GABRG2: variants seen among roughly 807,000 people sequenced by gnomAD.
GABRG2 encodes the protein gamma-aminobutyric acid type A receptor subunit gamma2.
In GABRG2, 16 loss-of-function variants were observed where a neutral mutation model predicts 56.4. That is an observed-to-expected ratio of 0.28 (90% CI 0.19 to 0.43). GABRG2 has a LOEUF of 0.43. GABRG2 is among the 20% of genes least tolerant of loss of function. The pLI is 1.00. For missense variants in GABRG2, 327 were observed against 582.7 expected, an observed-to-expected ratio of 0.56 and a Z score of 4.52; for synonymous variants, 208 against 205.5, an observed-to-expected ratio of 1.01 and a Z score of -0.10.
At chr5:162,146,619 A>G (rs1308954025) in intron 7 of GABRG2, among the ~76,000 whole-genome samples, 3 of 151,252 alleles carry the variant, frequency 2.0e-5, no homozygotes, top group Non-Finnish European at 4.4e-5. Flanking sequence ...CATTGAACAA[A>G]CATTTATTGA....
At chr5:162,122,284 C>G (rs1392884922) in intron 6 of GABRG2, among the ~76,000 whole-genome samples, 13 of 151,824 alleles carry the variant, frequency 8.6e-5, no homozygotes, top group Admixed American at 3.9e-4. Context: ...TTCATAGAAC[C>G]TATATCCTAA....
intron 7 of GABRG2, chr5:162,142,693 G>C (rs1764666699): frequency 3.0e-6 from 1 of 337,822 alleles, no homozygotes; most frequent in African/African-American, 2.2e-5. Context: ...GGTGGGAATT[G>C]AACAATGAGA....
intron 4 of GABRG2, chr5:162,100,497 C>T (rs1412062095): frequency 6.6e-6 from 1 of 152,108 alleles, no homozygotes; most frequent in Admixed American, 6.5e-5. Context: ...CAAATCTTCT[C>T]CCTCCTGGAG....
At chr5:162,088,139 C>T (rs1760275273) in intron 1 of GABRG2, among the ~76,000 whole-genome samples, 1 of 152,062 alleles carries the variant, frequency 6.6e-6, no homozygotes, top group African/African-American at 2.4e-5. Context: ...ATTGAAGGAC[C>T]TATATGAAGG....
chr5:162,102,529 T>G lies in GABRG2; in HGVS notation c.631+1212T>G, dbSNP rs1385375788. On this transcript the variant is annotated intron_variant, in intron 5 of 9. Coordinates refer to ENST00000639213, the MANE Select transcript of GABRG2 (RefSeq NM_198904.4). ...ATCATTTTTGTTGTTGTTGTTGTTG[T>G]TTTGTTTTGTTTTGTTTTGGACAGG... 5 of 452,978 alleles carry G rather than the reference T, an allele frequency of 1.1e-5. No homozygotes were observed. In the East Asian group the frequency reaches 2.8e-4, roughly 25 times the overall value. 28.1% of individuals were successfully genotyped at this position (452,978 alleles called of 1,614,324 possible).
chr5:162,082,232 A>T (rs2113206499), intron 1 of GABRG2, among the ~76,000 whole-genome samples: 1 of 151,956 alleles, frequency 6.6e-6, no homozygotes, highest in South Asian at 2.1e-4. Flanking sequence ...CAATATGCAC[A>T]TTAGTGTTGC....
chr5:162,088,420 A>G (rs1760299948), intron 1 of GABRG2, among the ~76,000 whole-genome samples: 1 of 152,130 alleles, frequency 6.6e-6, no homozygotes, highest in Admixed American at 6.6e-5. Flanking sequence ...GTCCAAACAG[A>G]GGGAAGAGTT....
intron 6 of GABRG2, among the ~76,000 whole-genome samples, chr5:162,132,938 TA>T (rs1471002397): frequency 6.6e-6 from 1 of 152,064 alleles, no homozygotes; most frequent in African/African-American, 2.4e-5. Context: ...GGTATGTAAT[TA>T]GTCTGTTCCT....
intron 6 of GABRG2, among the ~76,000 whole-genome samples, chr5:162,129,784 A>G (rs917552456): frequency 3.9e-5 from 6 of 151,994 alleles, no homozygotes; most frequent in Non-Finnish European, 7.4e-5. Context: ...CACTGTTAAA[A>G]TTTGATACAT....
chr5:162,116,348 C>T lies in GABRG2; in HGVS notation c.769+12322C>T, dbSNP rs436816. Among the ~76,000 whole-genome samples, 277 of 150,398 alleles carry T rather than the reference C, an allele frequency of 1.8e-3. 2 individuals carry two copies. Among genetic ancestry groups the T allele is most frequent in the Middle Eastern group, 0.01 (3 of 294 alleles). ...CTTAATCTAGACAATGCTATGGTAA[C>T]AAATAACCCTCAAAATCTCAGTGGA... On this transcript the variant is annotated intron_variant, in intron 6 of 9. Coordinates refer to ENST00000639213, the MANE Select transcript of GABRG2 (RefSeq NM_198904.4).
rs925811689 is a variant in GABRG2 at position 162,153,725 on chromosome 5, G to A, written c.*357G>A. The A allele has an allele frequency of 6.0e-6, 2 of 331,536 alleles. No homozygotes were observed. Among genetic ancestry groups the A allele is most frequent in the Admixed American group, 8.8e-5 (2 of 22,786 alleles). 20.5% of individuals were successfully genotyped at this position (331,536 alleles called of 1,614,324 possible). A position where few individuals can be genotyped will look rare whatever the true frequency, so the allele number is the denominator to read the frequency against. On this transcript the variant is annotated 3_prime_UTR_variant, in exon 10 of 10. Coordinates refer to ENST00000639213, the MANE Select transcript of GABRG2 (RefSeq NM_198904.4). ...TTCATAATGCAATTAGATAGAAAAG[G>A]TCCAAAACTGTACCCTATGTTCACT... is the stretch of plus-strand genomic sequence containing the variant.
intron 1 of GABRG2, among the ~76,000 whole-genome samples, chr5:162,076,245 A>G (rs992104652): frequency 3.3e-5 from 5 of 152,250 alleles, no homozygotes; most frequent in African/African-American, 9.6e-5. Context: ...TGACCTTTAC[A>G]TGGTGTTATT....
intron 5 of GABRG2, 117 bp downstream of exon 5, chr5:162,101,434 G>T: frequency 2.6e-6 from 2 of 773,662 alleles, no homozygotes; most frequent in South Asian, 1.4e-5. Flanking sequence ...TTATGTTACT[G>T]ACTTCGATGA....
chr5:162,068,287 CG>C (rs1758385623), intron 1 of GABRG2, among the ~76,000 whole-genome samples, 181 bp downstream of exon 1: 1 of 151,878 alleles, frequency 6.6e-6, no homozygotes, highest in Non-Finnish European at 1.5e-5. Context: ...AGGTCACTTT[CG>C]TTAATGTATT....
chr5:162,151,431 G>A, intron 8 of GABRG2: 1 of 303,472 alleles, frequency 3.3e-6, no homozygotes, highest in South Asian at 5.9e-5. Flanking sequence ...TTTTAAACAG[G>A]GGAACCAGGC....
chr5:162,129,737 G>A (rs542228472), intron 6 of GABRG2, among the ~76,000 whole-genome samples: 3 of 151,814 alleles, frequency 2.0e-5, no homozygotes, highest in Admixed American at 6.6e-5. Flanking sequence ...ATCAAATGTT[G>A]TATTCCTTAA....
chr5:162,106,255 T>C (rs918787745), intron 6 of GABRG2, among the ~76,000 whole-genome samples: 6 of 152,332 alleles, frequency 3.9e-5, no homozygotes, highest in African/African-American at 1.2e-4. Flanking sequence ...CATTTCACAC[T>C]GAGTACCATC....
In GABRG2 at chr5:162,112,638, G is replaced by A. The variant is rs931156623; in HGVS notation, c.769+8612G>A. On this transcript the variant is annotated intron_variant, in intron 6 of 9. Transcript: ENST00000639213. ...GGCAGCAAATAGCAATAAGGAAAAT[G>A]TATTCTTTTTAAAATATTTTACCTT... Among the ~76,000 whole-genome samples the A allele has an allele frequency of 3.9e-5, 6 of 152,214 alleles. No homozygotes were observed. The South Asian group carries it at 6.2e-4, about 16-fold the overall frequency.
intron 6 of GABRG2, among the ~76,000 whole-genome samples, chr5:162,106,917 G>GCA (rs1554098435): frequency 0.037 from 313 of 8,440 alleles, 2 homozygotes; most frequent in African/African-American, 0.077. Flanking sequence ...TTGTGTCTTG[G>GCA]GTGGGGGGTT....
Sources: gnomAD v4.1 joint callset for allele counts (sites outside exome capture counted in the v4.1 genomes callset) on GRCh38, gnomAD v4.1.1 for gene constraint, MANE v1.5 for transcripts, NCBI Gene and HGNC (gene_info 2026-07-23, HGNC 2026-07-21) for gene names.